Variants in PDE6B observed in about 807,000 individuals in gnomAD.
PDE6B encodes the protein phosphodiesterase 6B, also known as rod cGMP-specific 3',5'-cyclic phosphodiesterase subunit beta.
In PDE6B, 106 loss-of-function variants were observed where a neutral mutation model predicts 109.0. That is an observed-to-expected ratio of 0.97 (90% CI 0.83 to 1.14). The LOEUF (loss-of-function observed/expected upper bound fraction) is 1.14, where lower values mean the gene tolerates loss of function less well. Ranked by LOEUF, PDE6B falls within the 50% of genes most tolerant of loss-of-function variation. The pLI is 0.00. For synonymous variants in PDE6B, 490 were observed against 471.3 expected (o/e 1.04, Z -0.51); for missense variants, 1,193 against 1,155.6 (o/e 1.03, Z -0.47).
chr4:662,409 G>T lies in PDE6B; in HGVS notation c.1723-100G>T. 1 of 909,278 alleles carries T rather than the reference G, an allele frequency of 1.1e-6. No homozygotes were observed. The highest frequency in any genetic ancestry group is 1.8e-6 in the Non-Finnish European group (1 of 553,144). 56.3% of individuals were successfully genotyped at this position (909,278 alleles called of 1,614,324 possible). A position where few individuals can be genotyped will look rare whatever the true frequency, so the allele number is the denominator to read the frequency against. On this transcript the variant is annotated intron_variant, in intron 13 of 21. Coordinates refer to ENST00000496514, the MANE Select transcript of PDE6B (RefSeq NM_000283.4). This position sits in a 1 kb window ranked among gnomAD's most constrained non-coding sequence, Gnocchi z 4.3. Reference sequence around the variant, plus strand: ...GCACCCCAGCCCTGCGGTGGTCGGAGGTCCAACCTCCAACCCGACGCCTAG... The same window carrying T: ...GCACCCCAGCCCTGCGGTGGTCGGATGTCCAACCTCCAACCCGACGCCTAG...
chr4:667,407 C>A (rs1216531443), intron 20 of PDE6B, among the ~76,000 whole-genome samples: 1 of 152,186 alleles, frequency 6.6e-6, no homozygotes, highest in Non-Finnish European at 1.5e-5. Context: ...GCAGGTGCCC[C>A]CCACTGCCTT....
chr4:660,792 G>A (rs1361518139), intron 12 of PDE6B, among the ~76,000 whole-genome samples, 179 bp downstream of exon 12: 1 of 152,118 alleles, frequency 6.6e-6, no homozygotes, highest in East Asian at 1.9e-4. Flanking sequence ...AAATGCACAC[G>A]GGAAGTAAGC....
rs1235881238 is a variant in PDE6B at position 668,008 on chromosome 4, T to C, written c.2503+2T>C. The C allele has an allele frequency of 1.2e-6, 2 of 1,610,822 alleles. No homozygotes were observed. The highest frequency in any genetic ancestry group is 1.7e-6 in the Non-Finnish European group (2 of 1,179,132). ...AGGAGAGGGTGGCAGCCAAGAAAGGTCTGGCTCTGTGTGGCCTGTGGGGCA... is the reference window on the plus strand; with the variant it reads ...AGGAGAGGGTGGCAGCCAAGAAAGGCCTGGCTCTGTGTGGCCTGTGGGGCA... On this transcript the variant is annotated splice_donor_variant, in intron 21 of 21. Transcript: ENST00000496514. LOFTEE classifies it high-confidence loss of function.
chr4:655,562 G>A lies in PDE6B; in HGVS notation c.993-378G>A, dbSNP rs114577486. 337 of 379,092 alleles carry A rather than the reference G, an allele frequency of 8.9e-4. 1 individual carries two copies. Among genetic ancestry groups the A allele is most frequent in the African/African-American group, 6.4e-3 (310 of 48,154 alleles). 23.5% of individuals were successfully genotyped at this position (379,092 alleles called of 1,614,324 possible). On this transcript the variant is annotated intron_variant, in intron 6 of 21. Transcript: ENST00000496514. Reference sequence around the variant, plus strand: ...GGGTTCCCAAGAGGGAGGGGCCCCAGCACGGCAGCCTGGGGAGGAGGAAGA... The same window carrying A: ...GGGTTCCCAAGAGGGAGGGGCCCCAACACGGCAGCCTGGGGAGGAGGAAGA...
chr4:636,050 G>A lies in PDE6B; in HGVS notation c.711+81G>A. 1.2e-6 allele frequency: 1 copy of A among 839,648 alleles called. No individual in the cohort carries two copies. The highest frequency in any genetic ancestry group is 2.1e-6 in the Non-Finnish European group (1 of 483,762). The allele number at this position is 839,648 out of a possible 1,614,324, so 52.0% of individuals were successfully genotyped here. A position where few individuals can be genotyped will look rare whatever the true frequency, so the allele number is the denominator to read the frequency against. Reference sequence around the variant, plus strand: ...CTCGCTGCCTGCACAGAGGCGGGTGGTGGCAGGTGGTCTTGTGCTCACCTG... The same window carrying A: ...CTCGCTGCCTGCACAGAGGCGGGTGATGGCAGGTGGTCTTGTGCTCACCTG... On this transcript the variant is annotated intron_variant, in intron 3 of 21. Transcript: ENST00000496514. The surrounding 1 kb of genome is among the most constrained non-coding windows in gnomAD (Gnocchi z 4.5).
Position 657,459 on chromosome 4 carries a change from G to A in PDE6B, c.1366G>A (p.Val456Met), listed in dbSNP as rs376028657. 18 of 1,613,374 alleles carry A rather than the reference G, an allele frequency of 1.1e-5. No homozygotes were observed. The highest frequency in any genetic ancestry group is 6.7e-5 in the African/African-American group (5 of 75,050). ...CGCACAGGACATGGTCCTTTACCAC[G>A]TGAAGTGCGACAGGGACGAGATCCA... ...DIAQDMVLYHVKCDRDEIQLI... is the reference protein window; with the variant it reads ...DIAQDMVLYHMKCDRDEIQLI... The change falls in exon 10 of 22, where the codon GTG (valine) becomes ATG (methionine). Residue 456 changes from valine to methionine, a missense_variant. By Grantham distance (21) the Val-to-Met change is conservative. Coordinates refer to ENST00000496514, the MANE Select transcript of PDE6B (RefSeq NM_000283.4).
At chr4:650,732 C>T (rs886904618) in intron 3 of PDE6B, among the ~76,000 whole-genome samples, 5 of 151,974 alleles carry the variant, frequency 3.3e-5, no homozygotes, top group Non-Finnish European at 5.9e-5. Flanking sequence ...GGGGAGGCTG[C>T]GTAGATGCCG....
At chr4:642,460 G>A (rs1307308615) in intron 3 of PDE6B, among the ~76,000 whole-genome samples, 1 of 150,372 alleles carries the variant, frequency 6.7e-6, no homozygotes, top group Non-Finnish European at 1.5e-5. Context: ...TGGGCAACAA[G>A]AGTAAACTCC....
Position 662,390 on chromosome 4 carries a change from C to A in PDE6B, c.1723-119C>A, listed in dbSNP as rs568471066. 3 of 841,102 alleles carry A rather than the reference C, an allele frequency of 3.6e-6. No individual in the cohort carries two copies. Among genetic ancestry groups the A allele is most frequent in the Non-Finnish European group, 6.0e-6 (3 of 497,644 alleles). 52.1% of individuals were successfully genotyped at this position (841,102 alleles called of 1,614,324 possible). On this transcript the variant is annotated intron_variant, in intron 13 of 21. Transcript: ENST00000496514. This position sits in a 1 kb window ranked among gnomAD's most constrained non-coding sequence, Gnocchi z 4.3. ...CTCTGACACCGTGCACCGCGCACCC[C>A]AGCCCTGCGGTGGTCGGAGGTCCAA... is the stretch of plus-strand genomic sequence containing the variant.
chr4:636,132 G>A lies in PDE6B; in HGVS notation c.711+163G>A, dbSNP rs1734668362. Among the ~76,000 whole-genome samples, 1 of 152,098 alleles carries A rather than the reference G, an allele frequency of 6.6e-6. No individual in the cohort carries two copies. Among genetic ancestry groups the A allele is most frequent in the South Asian group, 2.1e-4 (1 of 4,828 alleles). On this transcript the variant is annotated intron_variant, in intron 3 of 21. Transcript: ENST00000496514. The surrounding 1 kb of genome is among the most constrained non-coding windows in gnomAD (Gnocchi z 4.5). ...AGAGGAGGGCTCCATGGCTTCTGTGGCTGTGCTGAGCTGCAATGGCCAGAC... is the reference window on the plus strand; with the variant it reads ...AGAGGAGGGCTCCATGGCTTCTGTGACTGTGCTGAGCTGCAATGGCCAGAC...
At position 664,886 on chromosome 4, in the gene PDE6B, T is replaced by G. The variant is rs1290797512; in HGVS notation, c.2135T>G (p.Met712Arg). Residue 712 changes from methionine to arginine, a missense_variant, in exon 18 of 22, where the codon ATG becomes AGG. Transcript: ENST00000496514. ...ETTRKEIVMA[M>R]MMTACDLSAI... ...TGCCCGGTTTGTGTCTGCAGGGCCA[T>G]GATGATGACAGCCTGCGACCTGTCT... 6.2e-7 allele frequency: 1 copy of G among 1,612,920 alleles called. No homozygotes were observed. Among genetic ancestry groups the G allele is most frequent in the Non-Finnish European group, 8.5e-7 (1 of 1,179,756 alleles).
In PDE6B at chr4:656,958, G is replaced by A. The variant is rs968368477; in HGVS notation, c.1192G>A (p.Val398Ile). 2.5e-6 allele frequency: 4 copies of A among 1,613,066 alleles called. No individual in the cohort carries two copies. The highest frequency in any genetic ancestry group is 3.4e-6 in the Non-Finnish European group (4 of 1,179,850). Residue 398 changes from valine (V) to isoleucine (I), a missense_variant, in exon 9 of 22, where the codon GTC becomes ATC. Val to Ile is a conservative substitution (Grantham distance 29). Transcript: ENST00000496514. ...CAACAAGAAGGAGGAGATTGTGGGA[G>A]TCGCCACATTTTACAACAGGAAAGA... ...IVNKKEEIVG[V>I]ATFYNRKDGK...
At position 625,933 on chromosome 4, in the gene PDE6B, G is replaced by C; in HGVS notation, c.307G>C (p.Val103Leu). Residue 103 changes from valine to leucine, a missense_variant, in exon 1 of 22, where the codon GTG (valine) becomes CTG (leucine). Val to Leu is a conservative substitution (Grantham distance 32). Transcript: ENST00000496514. The surrounding 1 kb of genome is among the most constrained non-coding windows in gnomAD (Gnocchi z 5.0). ...CTTCATGTACCGCCAGCGCAACGGC[G>C]TGGCCGAGCTGGCCACCAGGCTTTT... ...SLFMYRQRNG[V>L]AELATRLFSV... 1 of 1,594,606 alleles carries C rather than the reference G, an allele frequency of 6.3e-7. No individual in the cohort carries two copies.
chr4:660,216 C>T (rs541809197), intron 11 of PDE6B, among the ~76,000 whole-genome samples: 118 of 152,304 alleles, frequency 7.7e-4, no homozygotes, highest in Middle Eastern at 6.8e-3. Context: ...GTCTCAACAA[C>T]ATCACCCTGT....
chr4:660,601 G>A lies in PDE6B; in HGVS notation c.1602G>A (p.Gln534=), dbSNP rs1300883686. 2 of 1,613,726 alleles carry A rather than the reference G, an allele frequency of 1.2e-6. No individual in the cohort carries two copies. Among genetic ancestry groups the A allele is most frequent in the South Asian group, 2.2e-5 (2 of 91,078 alleles). ...YYELGVVRKF[Q]IPQEVLVRFL... ...AGCTGGGCGTGGTCCGAAAGTTCCA[G>A]ATCCCCCAGGAGGTGGGAGACACCG... Residue 534 remains glutamine (Q), a synonymous_variant, in exon 12 of 22, where the codon CAG becomes CAA. Coordinates refer to ENST00000496514, the MANE Select transcript of PDE6B (RefSeq NM_000283.4).
In PDE6B at chr4:625,734, C is replaced by T. The variant is rs529215515; in HGVS notation, c.108C>T (p.Cys36=). The T allele has an allele frequency of 1.7e-5, 28 of 1,613,378 alleles. No homozygotes were observed. In the East Asian group the frequency reaches 3.1e-4, roughly 18 times the overall value. The change falls in exon 1 of 22, where the codon TGC becomes TGT. Residue 36 remains cysteine, a synonymous_variant. Transcript: ENST00000496514. The surrounding 1 kb of genome is among the most constrained non-coding windows in gnomAD (Gnocchi z 5.0). ...KLSPENVAAA[C]EDGCPPDCDS... is the part of the protein sequence containing the mutation. ...GCCCTGAGAATGTGGCCGCGGCCTG[C>T]GAGGACGGGTGCCCGCCGGACTGCG... is the stretch of plus-strand genomic sequence containing the variant.
chr4:663,308 C>T lies in PDE6B; in HGVS notation c.1920+121C>T. On this transcript the variant is annotated intron_variant, in intron 15 of 21. Transcript: ENST00000496514. This position sits in a 1 kb window ranked among gnomAD's most constrained non-coding sequence, Gnocchi z 4.0. ...AGCGGGTGAGCACTGGGTGTGTGAG[C>T]ACTGGGGGAGGGCGGCAGAGAAGGC... 1 of 719,396 alleles carries T rather than the reference C, an allele frequency of 1.4e-6. No homozygotes were observed. Among genetic ancestry groups the T allele is most frequent in the Admixed American group, 2.1e-5 (1 of 48,418 alleles). The allele number at this position is 719,396 out of a possible 1,614,324, so 44.6% of individuals were successfully genotyped here.
At chr4:660,018 C>T (rs1164553759) in intron 11 of PDE6B, among the ~76,000 whole-genome samples, 5 of 152,036 alleles carry the variant, frequency 3.3e-5, no homozygotes, top group African/African-American at 7.3e-5. Flanking sequence ...AGCCTACATG[C>T]GTGAGTCTGC....
intron 1 of PDE6B, among the ~76,000 whole-genome samples, chr4:629,270 A>T (rs1734264119): frequency 6.6e-6 from 1 of 152,010 alleles, no homozygotes; most frequent in Non-Finnish European, 1.5e-5. Context: ...CCCACACCTG[A>T]TGAGGGGGAA....
Sources: allele counts gnomAD v4.1 joint callset (sites outside exome capture counted in the v4.1 genomes callset), GRCh38; gene constraint gnomAD v4.1.1; non-coding constraint Gnocchi (gnomAD v3.1); transcripts MANE v1.5; gene names NCBI Gene and HGNC (gene_info 2026-07-23, HGNC 2026-07-21).